Variants in TPR observed in about 807,000 individuals in gnomAD.
TPR encodes nucleoprotein TPR.
TPR carries 51 observed loss-of-function variants against 316.1 expected under a neutral mutation model. The ratio of observed to expected loss-of-function variants is 0.16; its 90% CI spans 0.13 to 0.20. The LOEUF is 0.20. Among genes scored for constraint, TPR ranks in the 10% least tolerant of loss-of-function variants. The probability of loss-of-function intolerance (pLI) is 1.00; values close to 1 mark genes in which losing one functional copy is unlikely to be tolerated. For synonymous variants in TPR, 981 were observed against 914.7 expected (o/e 1.07, Z -1.31); for missense variants, 2,272 against 2,754.8 (o/e 0.82, Z 3.92).
At chr1:186,360,218 T>A (rs1460690580) in intron 11 of TPR, 55 bp downstream of exon 11, 1 of 1,559,360 alleles carries the variant, frequency 6.4e-7, no homozygotes, top group African/African-American at 1.4e-5. Context: ...TTTGAAGAGA[T>A]TTGTATACAT....
Position 186,362,397 on chromosome 1 carries a change from G to A in TPR, c.697-17C>T, listed in dbSNP as rs560942133. On this transcript the variant is annotated splice_polypyrimidine_tract_variant and intron_variant, in intron 6 of 50. Transcript: ENST00000367478. The stretch of plus-strand genomic sequence containing the variant: ...TCTAGAAACCTAAAAACAAAAAATA[G>A]AGCAGGGGGAAAGGATGTCATATTA... 4 of 1,583,956 alleles carry A rather than the reference G, an allele frequency of 2.5e-6. No individual in the cohort carries two copies. The South Asian group carries it at 4.4e-5, about 18-fold the overall frequency.
Position 186,375,087 on chromosome 1 carries a change from G to A in TPR, c.-59C>T, listed in dbSNP as rs1340993159. 4.4e-6 allele frequency: 7 copies of A among 1,608,472 alleles called. No homozygotes were observed. The highest frequency in any genetic ancestry group is 5.9e-6 in the Non-Finnish European group (7 of 1,177,836). On this transcript the variant is annotated 5_prime_UTR_variant, in exon 1 of 51. Transcript: ENST00000367478. ...CGACGGGGTAGAAGCGGAGAAGAAA[G>A]GCGAAGACCAGCAGGACCCAGACGC...
At chr1:186,333,474 T>C (rs1658238251) in intron 36 of TPR, 80 bp from the exon 37 acceptor site, 2 of 1,532,278 alleles carry the variant, frequency 1.3e-6, no homozygotes, top group African/African-American at 1.4e-5. Flanking sequence ...CTGTGGTACA[T>C]GTCACCTTTC....
chr1:186,359,811 T>C lies in TPR; in HGVS notation c.1377A>G (p.Glu459=). The C allele has an allele frequency of 6.3e-7, 1 of 1,582,690 alleles. No homozygotes were observed. The highest frequency in any genetic ancestry group is 1.2e-5 in the South Asian group (1 of 84,522). ...GAATGGAACCAACCTTCATAGCTTG[T>C]TCAAGCTTAACAGATAAACTTGCTA... ...KAVASLSVKL[E]QAMKEIQRLQ... The change falls in exon 12 of 51, where the codon GAA becomes GAG. Residue 459 remains glutamate (E), a synonymous_variant. Coordinates refer to ENST00000367478, the MANE Select transcript of TPR (RefSeq NM_003292.3).
At chr1:186,361,062 A>G (rs956342095) in intron 9 of TPR, among the ~76,000 whole-genome samples, 157 bp from the exon 10 acceptor site, 3 of 152,064 alleles carry the variant, frequency 2.0e-5, no homozygotes, top group South Asian at 4.1e-4. Flanking sequence ...TGCTCTACTT[A>G]TAATTTTGGA....
At position 186,313,623 on chromosome 1, in the gene TPR, T is replaced by G. The variant is rs908842317; in HGVS notation, c.*348A>C. The stretch of plus-strand genomic sequence containing the variant: ...GAGCATAATAGTCAACATAAGTTAT[T>G]TTTTAGTTTGGGCATTGTTTTCTTT... On this transcript the variant is annotated 3_prime_UTR_variant, in exon 51 of 51. Transcript: ENST00000367478. 5.0e-6 allele frequency: 5 copies of G among 1,005,474 alleles called. No homozygotes were observed. Among genetic ancestry groups the G allele is most frequent in the Non-Finnish European group, 8.0e-6 (5 of 626,490 alleles). The allele number at this position is 1,005,474 out of a possible 1,614,324, so 62.3% of individuals were successfully genotyped here.
chr1:186,341,472 A>G (rs530470840), intron 27 of TPR, 83 bp from the exon 28 acceptor site: 1 of 1,362,776 alleles, frequency 7.3e-7, no homozygotes, highest in Non-Finnish European at 9.8e-7. Flanking sequence ...AATCCTCCCT[A>G]TGACAAAATA....
chr1:186,327,238 A>T lies in TPR; in HGVS notation c.5889+222T>A, dbSNP rs1462472126. ...ATATATAAATATATAATATATATTT[A>T]TATATATAATATATATAAATATATA... On this transcript the variant is annotated intron_variant, in intron 40 of 50. Transcript: ENST00000367478. Among the ~76,000 whole-genome samples, 14 of 6,860 alleles carry T rather than the reference A, an allele frequency of 2.0e-3. 3 individuals are homozygous for T. Among genetic ancestry groups the T allele is most frequent in the African/African-American group, 6.8e-3 (11 of 1,606 alleles). 4.5% of individuals were successfully genotyped at this position (6,860 alleles called of 152,430 possible).
intron 21 of TPR, among the ~76,000 whole-genome samples, chr1:186,348,971 G>C (rs1658764988): frequency 6.6e-6 from 1 of 151,996 alleles, no homozygotes; most frequent in African/African-American, 2.4e-5. Flanking sequence ...AGATATTTAT[G>C]GGTCTGTATA....
rs553190708 is a variant in TPR, at chr1:186,351,836, TAATA to T, written c.2469+136_2469+139del. On this transcript the variant is annotated intron_variant, in intron 19 of 50. Coordinates refer to ENST00000367478, the MANE Select transcript of TPR (RefSeq NM_003292.3). ...TTTTATTTAAAATATTTAAATGTCTTAATAAACTGCAAAATTCAATGATCATAAT... is the reference window on the plus strand; with the variant it reads ...TTTTATTTAAAATATTTAAATGTCTTAACTGCAAAATTCAATGATCATAAT... 1,316 of 958,412 alleles carry T rather than the reference TAATA, an allele frequency of 1.4e-3. 10 individuals are homozygous for T. The highest frequency in any genetic ancestry group is 8.3e-4 in the Non-Finnish European group (561 of 672,958). 59.4% of individuals were successfully genotyped at this position (958,412 alleles called of 1,614,324 possible).
In TPR at chr1:186,352,018, T is replaced by G; in HGVS notation, c.2427A>C (p.Gln809His). 6.2e-7 allele frequency: 1 copy of G among 1,608,408 alleles called. No individual in the cohort carries two copies. Among genetic ancestry groups the G allele is most frequent in the Non-Finnish European group, 8.5e-7 (1 of 1,177,906 alleles). ...SQQRESLLAE[Q>H]RGQNLLLTNL... ...TAGTTAGCAGTAAGTTTTGCCCCCT[T>G]TGTTCAGCTAACAAAGACTCTCTTT... Residue 809 changes from glutamine to histidine, a missense_variant, in exon 19 of 51, where the codon CAA (glutamine) becomes CAC (histidine). This residue lies in a region of TPR where 757 missense variants were observed against 859.8 expected (regional missense o/e 0.88). Coordinates refer to ENST00000367478, the MANE Select transcript of TPR (RefSeq NM_003292.3).
chr1:186,360,227 A>C (rs1212129729), intron 11 of TPR, 46 bp downstream of exon 11: 1 of 1,581,180 alleles, frequency 6.3e-7, no homozygotes, highest in South Asian at 1.1e-5. Context: ...ATTTGTATAC[A>C]TTTGCTGAAG....
chr1:186,358,252 T>A (rs951444189), intron 13 of TPR, among the ~76,000 whole-genome samples: 1 of 152,172 alleles, frequency 6.6e-6, no homozygotes, highest in African/African-American at 2.4e-5. Context: ...TAGCTACACT[T>A]TGGGACTTCA....
In TPR at chr1:186,362,550, G is replaced by A. The variant is rs565234214; in HGVS notation, c.697-170C>T. 9.9e-5 allele frequency among the ~76,000 whole-genome samples: 15 copies of A among 152,046 alleles called. No individual in the cohort carries two copies. In the South Asian group the frequency reaches 2.9e-3, roughly 29 times the overall value. ...TAAGAGTAACTGCTCACAGAACAAT[G>A]TTTAGATTTAGCTCACAAAAACTTA... On this transcript the variant is annotated intron_variant, in intron 6 of 50. Transcript: ENST00000367478.
chr1:186,362,987 G>T lies in TPR; in HGVS notation c.546C>A (p.Arg182=). The change falls in exon 6 of 51, where the codon CGC becomes CGA. Residue 182 remains arginine (R), a synonymous_variant. Coordinates refer to ENST00000367478, the MANE Select transcript of TPR (RefSeq NM_003292.3). ...GTAGCAATTCCTTTTCTTGCTCCAA[G>T]CGTTTTTCTCGATACTAAAGAAATC... is the stretch of plus-strand genomic sequence containing the variant. The part of the protein sequence containing the change: ...SDVSVKYREK[R]LEQEKELLHS... The T allele has an allele frequency of 6.2e-7, 1 of 1,601,218 alleles. No individual in the cohort carries two copies.
intron 9 of TPR, 74 bp from the exon 10 acceptor site, chr1:186,360,979 G>A: frequency 1.4e-6 from 2 of 1,445,172 alleles, no homozygotes; most frequent in South Asian, 2.5e-5. Flanking sequence ...CAACAGATCA[G>A]TCACTTCTCC....
At chr1:186,372,504 T>C (rs1441619541) in intron 2 of TPR, among the ~76,000 whole-genome samples, 1 of 151,838 alleles carries the variant, frequency 6.6e-6, no homozygotes, top group African/African-American at 2.4e-5. Context: ...ATTGCACCAC[T>C]GCATTCCAGC....
intron 50 of TPR, chr1:186,314,347 ATATAACAC>A: frequency 2.6e-6 from 1 of 382,684 alleles, no homozygotes; most frequent in East Asian, 4.6e-5. Flanking sequence ...CAACAAATGA[ATATAACAC>A]TATAACACTT....
At chr1:186,331,327 C>T (rs142110893) in intron 39 of TPR, among the ~76,000 whole-genome samples, 171 bp downstream of exon 39, 1 of 151,878 alleles carries the variant, frequency 6.6e-6, no homozygotes, top group African/African-American at 2.4e-5. Context: ...GTACACTATA[C>T]TCATAGGAGT....
Sources: gnomAD v4.1 joint callset for allele counts (sites outside exome capture counted in the v4.1 genomes callset) on GRCh38, gnomAD v4.1.1 for gene constraint, gnomAD v4.1.1 regional missense constraint, MANE v1.5 for transcripts, NCBI Gene and HGNC (gene_info 2026-07-23, HGNC 2026-07-21) for gene names.